The following MYH11 variants were observed in gnomAD, a reference collection of about 807,000 sequenced individuals.
The protein encoded by MYH11 is myosin heavy chain 11, also known as myosin-11.
A neutral mutation model predicts 246.6 loss-of-function variants in MYH11; 80 were observed. The ratio of observed to expected loss-of-function variants is 0.32; its 90% CI spans 0.27 to 0.39. MYH11 has a LOEUF of 0.39. Ranked by LOEUF, MYH11 falls within the 10% of genes least tolerant of loss-of-function variation. The pLI is 1.00. For missense variants in MYH11, 2,158 were observed against 2,546.8 expected, an observed-to-expected ratio of 0.85 and a Z score of 3.29; for synonymous variants, 1,071 against 1,015.5, an observed-to-expected ratio of 1.05 and a Z score of -1.04.
At chr16:15,849,551 C>G (rs1442531236) in intron 1 of MYH11, among the ~76,000 whole-genome samples, 1 of 152,148 alleles carries the variant, frequency 6.6e-6, no homozygotes, top group Non-Finnish European at 1.5e-5. Flanking sequence ...AAGCCATTCT[C>G]CCACCTCAGC....
intron 8 of MYH11, among the ~76,000 whole-genome samples, chr16:15,775,616 C>T (rs933449071): frequency 1.3e-5 from 2 of 152,324 alleles, no homozygotes; most frequent in East Asian, 1.9e-4. Context: ...AGTCTTGACC[C>T]CTGTTCTACA....
At position 15,756,350 on chromosome 16, in the gene MYH11, A is replaced by G. The variant is rs763366691; in HGVS notation, c.1740T>C (p.Tyr580=). 1.8e-5 allele frequency: 29 copies of G among 1,614,120 alleles called. 1 individual carries two copies. The South Asian group carries it at 3.2e-4, about 18-fold the overall frequency. ...KDKTEFSIIH[Y]AGKVDYNASA... ...GCCCTGTGGCTGGTACCTTCCCAGC[A>G]TAATGGATGATGGAGAACTCAGTCT... is the stretch of plus-strand genomic sequence containing the variant. Residue 580 remains tyrosine, a synonymous_variant, in exon 14 of 41, where the codon TAT becomes TAC. Coordinates refer to ENST00000300036, the MANE Select transcript of MYH11 (RefSeq NM_002474.3).
At chr16:15,847,246 C>CT (rs545966682) in intron 1 of MYH11, among the ~76,000 whole-genome samples, 6,031 of 112,204 alleles carry the variant, frequency 0.054, 493 homozygotes, top group African/African-American at 0.15. Flanking sequence ...AAGTGGACTT[C>CT]TTTTTTTTTT....
At chr16:15,798,148 T>G (rs2042787929) in intron 4 of MYH11, among the ~76,000 whole-genome samples, 1 of 152,178 alleles carries the variant, frequency 6.6e-6, no homozygotes, top group Non-Finnish European at 1.5e-5. Context: ...TAGTGAAAAC[T>G]CTCTCAATGA....
intron 2 of MYH11, among the ~76,000 whole-genome samples, chr16:15,826,461 C>T (rs56076016): frequency 0.04 from 5,984 of 151,464 alleles, 376 homozygotes; most frequent in African/African-American, 0.14. Context: ...TGGTGGCATT[C>T]ACCTGTAGTC....
At chr16:15,803,584 C>T (rs1429490016) in intron 3 of MYH11, among the ~76,000 whole-genome samples, 2 of 152,130 alleles carry the variant, frequency 1.3e-5, no homozygotes, top group African/African-American at 4.8e-5. Flanking sequence ...GATAGAAGAA[C>T]CAGGTACCCT....
rs763151112 is a variant in MYH11 at position 15,786,665 on chromosome 16, A to G, written c.598T>C (p.Ser200Pro). Residue 200 changes from serine to proline, a missense_variant, in exon 5 of 41, where the codon TCC becomes CCC. Transcript: ENST00000300036. ...KVIQYLAVVA[S>P]SHKGKKDTSI... Reference sequence around the variant, plus strand: ...GTGTCTTTCTTGCCCTTGTGGGAGGAGGCCACCACGGCCAGGTACTGAATG... The same window carrying G: ...GTGTCTTTCTTGCCCTTGTGGGAGGGGGCCACCACGGCCAGGTACTGAATG... The G allele has an allele frequency of 1.9e-6, 3 of 1,614,028 alleles. No homozygotes were observed. Among genetic ancestry groups the G allele is most frequent in the East Asian group, 2.2e-5 (1 of 44,864 alleles).
intron 8 of MYH11, among the ~76,000 whole-genome samples, chr16:15,772,303 A>G (rs1319363897): frequency 6.6e-6 from 1 of 151,634 alleles, no homozygotes; most frequent in Non-Finnish European, 1.5e-5. Flanking sequence ...TGTTGACCAC[A>G]CTAGACTTGA....
intron 40 of MYH11, among the ~76,000 whole-genome samples, chr16:15,708,170 G>GT (rs1049275776): frequency 2.0e-5 from 3 of 152,136 alleles, no homozygotes; most frequent in Admixed American, 6.6e-5. Context: ...TGAAAATGCA[G>GT]TTTGTAGCTA....
chr16:15,812,063 C>A (rs1488771018), intron 3 of MYH11, among the ~76,000 whole-genome samples: 1 of 152,160 alleles, frequency 6.6e-6, no homozygotes, highest in Non-Finnish European at 1.5e-5. Context: ...GCCTCCTAAG[C>A]TTTGAGCTGT....
At chr16:15,798,404 G>A (rs899733053) in intron 4 of MYH11, among the ~76,000 whole-genome samples, 4 of 152,130 alleles carry the variant, frequency 2.6e-5, no homozygotes, top group African/African-American at 9.7e-5. Flanking sequence ...TTTTTTAGAA[G>A]GAGGAGAGGT....
rs776271431 is a variant in MYH11 at position 15,756,337 on chromosome 16, G to C, written c.1749+4C>G. 2.9e-5 allele frequency: 47 copies of C among 1,613,856 alleles called. No homozygotes were observed. The African/African-American group carries it at 5.7e-4, about 20-fold the overall frequency. The stretch of plus-strand genomic sequence containing the variant: ...CAGAGTCCCCTGGGCCCTGTGGCTG[G>C]TACCTTCCCAGCATAATGGATGATG... On this transcript the variant is annotated splice_donor_region_variant and intron_variant, in intron 14 of 40. Coordinates refer to ENST00000300036, the MANE Select transcript of MYH11 (RefSeq NM_002474.3).
intron 15 of MYH11, among the ~76,000 whole-genome samples, chr16:15,751,500 C>G (rs1438898956): frequency 6.6e-6 from 1 of 151,670 alleles, no homozygotes; most frequent in Non-Finnish European, 1.5e-5. Flanking sequence ...ATCATCACCT[C>G]CAAGGTTCTT....
In MYH11 at chr16:15,776,187, G is replaced by T; in HGVS notation, c.791-11C>A. On this transcript the variant is annotated splice_polypyrimidine_tract_variant and intron_variant, in intron 7 of 40. Coordinates refer to ENST00000300036, the MANE Select transcript of MYH11 (RefSeq NM_002474.3). ...ATTTTTCTAGCAGATCTGGTTTGGA[G>T]GGAGTTAGGGATTCTGGGGATACTG... The T allele has an allele frequency of 6.3e-7, 1 of 1,594,360 alleles. No homozygotes were observed. Among genetic ancestry groups the T allele is most frequent in the Non-Finnish European group, 8.6e-7 (1 of 1,161,998 alleles).
At chr16:15,834,928 T>TA (rs1555458793) in intron 2 of MYH11, among the ~76,000 whole-genome samples, 1 of 149,156 alleles carries the variant, frequency 6.7e-6, no homozygotes, top group South Asian at 2.1e-4. Context: ...TTTTTTTTTT[T>TA]AATTAGCCAG....
rs2043410392 is a variant in MYH11, at chr16:15,821,536, G to A, written c.502+1719C>T. ...CTGTAGAAATGCTTACCCATCTGTC[G>A]CTCCCCCTCCTTCTCCTTTGCTAAC... On this transcript the variant is annotated intron_variant, in intron 3 of 40. Transcript: ENST00000300036. Among the ~76,000 whole-genome samples, 5 of 151,950 alleles carry A rather than the reference G, an allele frequency of 3.3e-5. No homozygotes were observed. The South Asian group carries it at 1.0e-3, about 32-fold the overall frequency.
chr16:15,847,546 G>A (rs1044132404), intron 1 of MYH11, among the ~76,000 whole-genome samples: 6 of 152,184 alleles, frequency 3.9e-5, no homozygotes, highest in East Asian at 3.8e-4. Context: ...GAGCCGCTGT[G>A]CCCAGCCCTA....
In MYH11 at chr16:15,703,776, T is replaced by TA. The variant is rs1400048434; in HGVS notation, c.*214_*215insT. 5.7e-5 allele frequency: 36 copies of TA among 635,326 alleles called. No individual in the cohort carries two copies. Among genetic ancestry groups the TA allele is most frequent in the Non-Finnish European group, 8.6e-5 (31 of 360,920 alleles). 39.4% of individuals were successfully genotyped at this position (635,326 alleles called of 1,614,324 possible). On this transcript the variant is annotated 3_prime_UTR_variant, in exon 41 of 41. Transcript: ENST00000300036. ...GCTTATTTTTAAATTCTTGTATAGA[T>TA]GAGGTTTTACTACGTTGCCCAGGCT... is the stretch of plus-strand genomic sequence containing the variant.
intron 3 of MYH11, among the ~76,000 whole-genome samples, chr16:15,805,011 G>A (rs1264640251): frequency 1.3e-5 from 2 of 152,078 alleles, no homozygotes; most frequent in South Asian, 2.1e-4. Flanking sequence ...AATTCTTCGG[G>A]TACATACCCT....
Sources: allele counts gnomAD v4.1 joint callset (sites outside exome capture counted in the v4.1 genomes callset), GRCh38; gene constraint gnomAD v4.1.1; transcripts MANE v1.5; gene names NCBI Gene and HGNC (gene_info 2026-07-23, HGNC 2026-07-21).